NAALADL2: variants seen among roughly 807,000 people sequenced by gnomAD.
NAALADL2 encodes inactive N-acetylated-alpha-linked acidic dipeptidase-like protein 2.
Under a neutral mutation model 87.2 loss-of-function variants are expected in NAALADL2, and 76 were observed. That is an observed-to-expected ratio of 0.87 (90% CI 0.72 to 1.05). The LOEUF is 1.05. Ranked by LOEUF, NAALADL2 falls within the 50% of genes least tolerant of loss-of-function variation. The pLI, the probability that NAALADL2 is intolerant of heterozygous loss-of-function variation, is 0.00. For synonymous variants in NAALADL2, 354 were observed against 331.0 expected (o/e 1.07, Z -0.75); for missense variants, 1,089 against 945.8 (o/e 1.15, Z -1.99).
At chr3:175,692,892 A>G (rs1229087393) in intron 11 of NAALADL2, among the ~76,000 whole-genome samples, 4 of 152,124 alleles carry the variant, frequency 2.6e-5, no homozygotes, top group African/African-American at 9.7e-5. Flanking sequence ...TGTCCACAAG[A>G]CCCATAATTA....
chr3:175,522,822 TGGGGAG>T (rs565279360), intron 9 of NAALADL2, among the ~76,000 whole-genome samples: 75 of 152,324 alleles, frequency 4.9e-4, no homozygotes, highest in African/African-American at 1.7e-3. Context: ...AAACTGTAGT[TGGGGAG>T]TCTTTTCTCT....
intron 10 of NAALADL2, among the ~76,000 whole-genome samples, chr3:175,600,113 TAAAA>T (rs1241894686): frequency 1.3e-5 from 2 of 152,106 alleles, no homozygotes; most frequent in East Asian, 1.9e-4. Context: ...TATTTTATAT[TAAAA>T]TAAATATTCA....
At chr3:175,275,354 GGATGATCTTAA>G (rs1213369855) in intron 4 of NAALADL2, among the ~76,000 whole-genome samples, 1 of 152,002 alleles carries the variant, frequency 6.6e-6, no homozygotes, top group Non-Finnish European at 1.5e-5. Context: ...AATGTTTTTA[GGATGATCTTAA>G]GATTCTTAAA....
chr3:175,643,609 G>GCA (rs1729583985), intron 11 of NAALADL2, among the ~76,000 whole-genome samples: 1 of 152,112 alleles, frequency 6.6e-6, no homozygotes, highest in South Asian at 2.1e-4. Context: ...TTTTAAGATG[G>GCA]ATGTTTTAAG....
At chr3:175,174,831 C>T (rs1180473194) in intron 2 of NAALADL2, among the ~76,000 whole-genome samples, 1 of 68,344 alleles carries the variant, frequency 1.5e-5, no homozygotes, top group Non-Finnish European at 3.9e-5. Flanking sequence ...TATACACACA[C>T]ACATGCACAC....
At chr3:175,078,041 T>C (rs75908340) in intron 1 of NAALADL2, among the ~76,000 whole-genome samples, 1 of 150,682 alleles carries the variant, frequency 6.6e-6, no homozygotes, top group African/African-American at 2.5e-5. Flanking sequence ...TTTTTTTTTT[T>C]CTTGAGACAA....
chr3:175,356,071 T>G (rs1201328181), intron 5 of NAALADL2, among the ~76,000 whole-genome samples: 1 of 152,144 alleles, frequency 6.6e-6, no homozygotes, highest in African/African-American at 2.4e-5. Flanking sequence ...TTAAGATCAC[T>G]TTGAAAGAGG....
intron 1 of NAALADL2, among the ~76,000 whole-genome samples, chr3:174,483,262 A>G (rs1232122218): frequency 2.6e-5 from 4 of 152,084 alleles, no homozygotes; most frequent in Non-Finnish European, 4.4e-5. Flanking sequence ...TCACAGTTCC[A>G]CATTGCTAGG....
intron 2 of NAALADL2, among the ~76,000 whole-genome samples, chr3:175,148,292 G>A (rs1201757905): frequency 2.0e-5 from 3 of 151,712 alleles, no homozygotes; most frequent in South Asian, 2.1e-4. Context: ...TTTTAATGGG[G>A]TTATTGGTTT....
intron 10 of NAALADL2, among the ~76,000 whole-genome samples, chr3:175,593,269 T>C (rs1217784578): frequency 6.6e-6 from 1 of 152,206 alleles, no homozygotes; most frequent in Non-Finnish European, 1.5e-5. Context: ...TATTTCCTTT[T>C]AACACAAGTA....
In NAALADL2 at chr3:175,561,265, T is replaced by G. The variant is rs533122254; in HGVS notation, c.1654-14776T>G. 2.0e-5 allele frequency among the ~76,000 whole-genome samples: 3 copies of G among 152,292 alleles called. No homozygotes were observed. In the South Asian group the frequency reaches 6.2e-4, roughly 32 times the overall value. ...CCTATGCACATCCTTCCCTATACTTTAATCTCAAGGTTACTTATAATACCT... is the reference window on the plus strand; with the variant it reads ...CCTATGCACATCCTTCCCTATACTTGAATCTCAAGGTTACTTATAATACCT... On this transcript the variant is annotated intron_variant, in intron 9 of 13. Coordinates refer to ENST00000454872, the MANE Select transcript of NAALADL2 (RefSeq NM_207015.3).
At chr3:175,402,413 T>C (rs1019543377) in intron 5 of NAALADL2, among the ~76,000 whole-genome samples, 1 of 152,094 alleles carries the variant, frequency 6.6e-6, no homozygotes, top group Non-Finnish European at 1.5e-5. Context: ...CTTTCTAAAA[T>C]TGCTTTTAGA....
At chr3:175,783,136 G>C (rs1185088549) in intron 13 of NAALADL2, among the ~76,000 whole-genome samples, 1 of 152,100 alleles carries the variant, frequency 6.6e-6, no homozygotes, top group Non-Finnish European at 1.5e-5. Flanking sequence ...AAGTCAGGTA[G>C]TGTGATGCCT....
At chr3:175,020,950 A>G (rs1340975397) in intron 1 of NAALADL2, among the ~76,000 whole-genome samples, 5 of 152,072 alleles carry the variant, frequency 3.3e-5, no homozygotes, top group Admixed American at 2.0e-4. Flanking sequence ...TCAAAATTAT[A>G]ATGCATTTTG....
chr3:175,471,611 A>C (rs1387961824), intron 8 of NAALADL2, 28 bp from the exon 9 acceptor site: 22 of 1,200,262 alleles, frequency 1.8e-5, no homozygotes, highest in Non-Finnish European at 2.6e-5. Flanking sequence ...TGTCTTACAG[A>C]TAGATCCTTT....
intron 1 of NAALADL2, among the ~76,000 whole-genome samples, chr3:175,076,084 C>T (rs1234673615): frequency 6.6e-6 from 1 of 151,890 alleles, no homozygotes; most frequent in African/African-American, 2.4e-5. Context: ...AAAAATTAGC[C>T]AGTTGTGGTG....
chr3:175,142,654 A>G (rs1002914761), intron 2 of NAALADL2, among the ~76,000 whole-genome samples: 3 of 152,042 alleles, frequency 2.0e-5, no homozygotes, highest in African/African-American at 7.2e-5. Context: ...AGATTTATTG[A>G]ACTGCATCCT....
At chr3:175,340,197 C>T (rs1328374542) in intron 5 of NAALADL2, among the ~76,000 whole-genome samples, 1 of 152,070 alleles carries the variant, frequency 6.6e-6, no homozygotes, top group Non-Finnish European at 1.5e-5. Flanking sequence ...CAAATTTTCT[C>T]TTGTTAAGTA....
intron 1 of NAALADL2, among the ~76,000 whole-genome samples, chr3:174,546,617 C>CT (rs1170530965): frequency 2.6e-5 from 4 of 152,196 alleles, no homozygotes; most frequent in South Asian, 2.1e-4. Flanking sequence ...TTCTTTTACC[C>CT]TTTTTCTGTC....
Sources: gnomAD v4.1 joint callset for allele counts (sites outside exome capture counted in the v4.1 genomes callset) on GRCh38, gnomAD v4.1.1 for gene constraint, MANE v1.5 for transcripts, NCBI Gene and HGNC (gene_info 2026-07-23, HGNC 2026-07-21) for gene names.